The following GBF1 variants were observed in gnomAD, a reference collection of about 807,000 sequenced individuals.
The protein encoded by GBF1 is Golgi-specific brefeldin A-resistance guanine nucleotide exchange factor 1.
Under a neutral mutation model 210.5 loss-of-function variants are expected in GBF1, and 114 were observed. That is an observed-to-expected ratio of 0.54 (90% CI 0.47 to 0.63). The LOEUF (loss-of-function observed/expected upper bound fraction) is 0.63, where lower values mean the gene tolerates loss of function less well. Ranked by LOEUF, GBF1 falls within the 30% of genes least tolerant of loss-of-function variation. The pLI, the probability that GBF1 is intolerant of heterozygous loss-of-function variation, is 0.00. For synonymous variants in GBF1, 850 were observed against 889.2 expected, an observed-to-expected ratio of 0.96 and a Z score of 0.78; for missense variants, 1,851 against 2,357.7, an observed-to-expected ratio of 0.79 and a Z score of 4.45.
chr10:102,380,600 C>T lies in GBF1; in HGVS notation c.5087C>T (p.Ser1696Leu), dbSNP rs759374369. Residue 1696 changes from serine to leucine, a missense_variant, in exon 38 of 40, where the codon TCG becomes TTG. By Grantham distance (145) the Ser-to-Leu change is moderately radical (BLOSUM62 -2). Coordinates refer to ENST00000369983, the MANE Select transcript of GBF1 (RefSeq NM_001377137.1). ...GCAGATGCACGGGGAGGCGGCCCCT[C>T]GGCCCTCTGGGAGATCACCTGGGAA... ...HSADARGGGP[S>L]ALWEITWERI... 20 of 1,613,866 alleles carry T rather than the reference C, an allele frequency of 1.2e-5. No individual in the cohort carries two copies. The highest frequency in any genetic ancestry group is 1.6e-4 in the Middle Eastern group (1 of 6,084).
At chr10:102,232,159 C>T in the GBF1 span, 2 of 880,218 alleles carry the variant, frequency 2.3e-6, no homozygotes, top group Admixed American at 4.0e-5. Context: ...TAGGTCCCAG[C>T]AGCGTTTCCT....
intron 3 of GBF1, among the ~76,000 whole-genome samples, chr10:102,293,449 A>G (rs1299752735): frequency 6.6e-6 from 1 of 152,208 alleles, no homozygotes; most frequent in African/African-American, 2.4e-5. Context: ...TACTCTTTCT[A>G]CTAATCAAGA....
At chr10:102,285,237 G>C (rs1424574859) in intron 3 of GBF1, among the ~76,000 whole-genome samples, 1 of 152,164 alleles carries the variant, frequency 6.6e-6, no homozygotes, top group Admixed American at 6.6e-5. Flanking sequence ...GTAGATGATG[G>C]TATTTCTGGT....
chr10:102,365,707 T>C, intron 18 of GBF1, 108 bp downstream of exon 18: 3 of 923,836 alleles, frequency 3.2e-6, no homozygotes, highest in African/African-American at 1.6e-5. Flanking sequence ...GCTCAGGAGT[T>C]CAAGACCAGC....
At chr10:102,374,099 C>T (rs1224327102) in intron 29 of GBF1, among the ~76,000 whole-genome samples, 1 of 152,166 alleles carries the variant, frequency 6.6e-6, no homozygotes, top group Non-Finnish European at 1.5e-5. Flanking sequence ...CCTGTAATCC[C>T]AGCACTTTGG....
chr10:102,328,741 A>G (rs1348477432), intron 3 of GBF1, among the ~76,000 whole-genome samples: 1 of 152,154 alleles, frequency 6.6e-6, no homozygotes, highest in African/African-American at 2.4e-5. Context: ...AGGCTTTTTC[A>G]TCATCTGTAA....
At chr10:102,260,476 C>CTTTTTTTTT (rs60452124) in intron 3 of GBF1, among the ~76,000 whole-genome samples, 1 of 72,436 alleles carries the variant, frequency 1.4e-5, no homozygotes, top group African/African-American at 6.3e-5. Context: ...TTCCTTTCTT[C>CTTTTTTTTT]TTTTTTTTTT....
intron 3 of GBF1, among the ~76,000 whole-genome samples, chr10:102,266,784 A>G (rs986596090): frequency 1.3e-5 from 2 of 152,216 alleles, no homozygotes; most frequent in African/African-American, 4.8e-5. Context: ...GGGATAGGAT[A>G]TTTCTTTACA....
At chr10:102,319,133 T>A (rs1183821962) in intron 3 of GBF1, among the ~76,000 whole-genome samples, 1 of 152,092 alleles carries the variant, frequency 6.6e-6, no homozygotes, top group Admixed American at 6.6e-5. Flanking sequence ...CTGGCTAACA[T>A]GGTGAAACCC....
chr10:102,381,678 A>G (rs2135394575), intron 39 of GBF1, among the ~76,000 whole-genome samples: 1 of 152,022 alleles, frequency 6.6e-6, no homozygotes, highest in East Asian at 1.9e-4. Context: ...TATAAAAATT[A>G]GCTGGGCGTG....
At chr10:102,367,426 G>T in intron 20 of GBF1, 52 bp from the exon 21 acceptor site, 1 of 1,261,534 alleles carries the variant, frequency 7.9e-7, no homozygotes, top group Non-Finnish European at 1.2e-6. Context: ...AGTTCCTTAG[G>T]TGGGGCTTCA....
In GBF1 at chr10:102,382,383, C is replaced by A; in HGVS notation, c.*47C>A. 6.7e-7 allele frequency: 1 copy of A among 1,501,080 alleles called. No individual in the cohort carries two copies. 93.0% of individuals were successfully genotyped at this position (1,501,080 alleles called of 1,614,324 possible). A position where few individuals can be genotyped will look rare whatever the true frequency, so the allele number is the denominator to read the frequency against. Reference sequence around the variant, plus strand: ...GACCAGTGCTTCCCACCAGGCTTTCCTTGACCCCACTTCTGGCTGTCCTGC... The same window carrying A: ...GACCAGTGCTTCCCACCAGGCTTTCATTGACCCCACTTCTGGCTGTCCTGC... On this transcript the variant is annotated 3_prime_UTR_variant, in exon 40 of 40. Coordinates refer to ENST00000369983, the MANE Select transcript of GBF1 (RefSeq NM_001377137.1).
chr10:102,370,816 C>A lies in GBF1; in HGVS notation c.3616C>A (p.Arg1206Ser). ...LVERAVVGLLRLAIRLLRREE... is the reference protein window; with the variant it reads ...LVERAVVGLLSLAIRLLRREE... ...GGAGCGGGCAGTGGTGGGGTTGCTA[C>A]GCCTGGCCATTCGGCTTCTCCGGAG... The change falls in exon 29 of 40, where the codon CGC (arginine) becomes AGC (serine). Residue 1206 changes from arginine to serine, a missense_variant. Arg to Ser is a moderately radical substitution (Grantham distance 110, BLOSUM62 -1). This residue lies in a region of GBF1 where 967 missense variants were observed against 1,247.7 expected (regional missense o/e 0.78). Transcript: ENST00000369983. 4 of 1,614,136 alleles carry A rather than the reference C, an allele frequency of 2.5e-6. No individual in the cohort carries two copies. In the South Asian group the frequency reaches 3.3e-5, roughly 13 times the overall value.
chr10:102,284,308 G>A (rs1463638922), intron 3 of GBF1, among the ~76,000 whole-genome samples: 1 of 152,126 alleles, frequency 6.6e-6, no homozygotes, highest in African/African-American at 2.4e-5. Flanking sequence ...CCATTTTAAA[G>A]TGAAACAATA....
chr10:102,342,182 G>A (rs1167927393), intron 3 of GBF1, among the ~76,000 whole-genome samples: 1 of 151,544 alleles, frequency 6.6e-6, no homozygotes, highest in African/African-American at 2.4e-5. Context: ...GACTACAGGT[G>A]CCCACCACCA....
At chr10:102,280,824 TATC>T (rs1307494215) in intron 3 of GBF1, among the ~76,000 whole-genome samples, 1 of 152,186 alleles carries the variant, frequency 6.6e-6, no homozygotes, top group Non-Finnish European at 1.5e-5. Context: ...GCTGGAAGTA[TATC>T]ATCGGCAGAT....
intron 14 of GBF1, 55 bp from the exon 15 acceptor site, chr10:102,362,420 C>G (rs2059670996): frequency 3.2e-6 from 4 of 1,259,894 alleles, no homozygotes; most frequent in African/African-American, 3.0e-5. Flanking sequence ...AGAAAATGAT[C>G]AAAGTGTAAA....
intron 8 of GBF1, among the ~76,000 whole-genome samples, chr10:102,354,101 G>A (rs1227560086): frequency 6.6e-6 from 1 of 152,098 alleles, no homozygotes; most frequent in Non-Finnish European, 1.5e-5. Flanking sequence ...AGAACCAAAG[G>A]GTTCTTAAAC....
At chr10:102,318,287 A>G (rs144625846) in intron 3 of GBF1, among the ~76,000 whole-genome samples, 13,778 of 151,384 alleles carry the variant, frequency 0.091, 888 homozygotes, top group Non-Finnish European at 0.13. Flanking sequence ...CCTGGGCTCA[A>G]GTGATTCTCC....
Sources: allele counts gnomAD v4.1 joint callset (sites outside exome capture counted in the v4.1 genomes callset), GRCh38; gene constraint gnomAD v4.1.1; regional missense constraint gnomAD v4.1.1; transcripts MANE v1.5; gene names NCBI Gene and HGNC (gene_info 2026-07-23, HGNC 2026-07-21).